The following RTF1 variants were observed in gnomAD, a reference collection of about 807,000 sequenced individuals.
RTF1 encodes the protein RNA polymerase-associated protein RTF1 homolog.
A neutral mutation model predicts 95.7 loss-of-function variants in RTF1; 10 were observed. That is an observed-to-expected ratio of 0.10 (90% CI 0.06 to 0.18). The LOEUF is 0.18. Among genes scored for constraint, RTF1 ranks in the 10% least tolerant of loss-of-function variants. RTF1 has a pLI of 1.00. For synonymous variants in RTF1, 305 were observed against 311.8 expected, an observed-to-expected ratio of 0.98 and a Z score of 0.23; for missense variants, 458 against 875.6, an observed-to-expected ratio of 0.52 and a Z score of 6.02.
At chr15:41,465,865 G>T (rs557404425) in intron 5 of RTF1, among the ~76,000 whole-genome samples, 2 of 152,312 alleles carry the variant, frequency 1.3e-5, no homozygotes, top group African/African-American at 4.8e-5. Context: ...AGTGGCTTAT[G>T]CCTGTAATCC....
At position 41,430,833 on chromosome 15, in the gene RTF1, G is replaced by A. The variant is rs977294419; in HGVS notation, c.199-7488G>A. On this transcript the variant is annotated intron_variant, in intron 1 of 17. Coordinates refer to ENST00000389629, the MANE Select transcript of RTF1 (RefSeq NM_015138.5). ...ACTTCCTATACAATCCTCAAGTTGT[G>A]GGAAGTGCATCTTGTATCTTTCACA... is the stretch of plus-strand genomic sequence containing the variant. 1.1e-4 allele frequency among the ~76,000 whole-genome samples: 16 copies of A among 152,114 alleles called. 1 individual carries two copies. The highest frequency in any genetic ancestry group is 9.8e-4 in the Admixed American group (15 of 15,254).
intron 7 of RTF1, 138 bp from the exon 8 acceptor site, chr15:41,471,034 T>C: frequency 1.4e-6 from 1 of 731,668 alleles, no homozygotes; most frequent in Non-Finnish European, 2.2e-6. Context: ...TTACAAGTCT[T>C]TGCTGGTGCT....
chr15:41,417,429 C>A, intron 1 of RTF1, 116 bp downstream of exon 1: 2 of 862,914 alleles, frequency 2.3e-6, no homozygotes, highest in African/African-American at 1.7e-5. Flanking sequence ...TCGCCCCGTG[C>A]CCTGGGCACC....
intron 8 of RTF1, among the ~76,000 whole-genome samples, chr15:41,473,630 A>G (rs1474749300): frequency 6.6e-6 from 1 of 152,084 alleles, no homozygotes; most frequent in Non-Finnish European, 1.5e-5. Context: ...CGGTGTGATC[A>G]GAGCTCATTG....
intron 4 of RTF1, among the ~76,000 whole-genome samples, chr15:41,460,186 G>A (rs1420174854): frequency 6.7e-6 from 1 of 149,662 alleles, no homozygotes; most frequent in South Asian, 2.1e-4. Context: ...GCAATGGCAC[G>A]ATCTCGGCTC....
intron 1 of RTF1, among the ~76,000 whole-genome samples, chr15:41,420,714 T>C (rs2050596197): frequency 6.6e-6 from 1 of 152,106 alleles, no homozygotes; most frequent in South Asian, 2.1e-4. Flanking sequence ...AGGTGAGATA[T>C]ATGGGCCTTC....
chr15:41,480,991 A>G lies in RTF1; in HGVS notation c.*304A>G. On this transcript the variant is annotated 3_prime_UTR_variant, in exon 18 of 18. Coordinates refer to ENST00000389629, the MANE Select transcript of RTF1 (RefSeq NM_015138.5). ...TTTTTAACCGCGCAGTTCATTGGCC[A>G]CTCTGCACGCATTCAGTATTACCAT... The G allele has an allele frequency of 3.1e-6, 1 of 318,864 alleles. No individual in the cohort carries two copies. The highest frequency in any genetic ancestry group is 3.8e-5 in the South Asian group (1 of 26,042). The allele number at this position is 318,864 out of a possible 1,614,324, so 19.8% of individuals were successfully genotyped here. A position where few individuals can be genotyped will look rare whatever the true frequency, so the allele number is the denominator to read the frequency against.
At chr15:41,477,554 T>C in intron 14 of RTF1, 39 bp downstream of exon 14, 1 of 1,561,182 alleles carries the variant, frequency 6.4e-7, no homozygotes. Flanking sequence ...ACAAAGTTAA[T>C]TAATAAACCA....
chr15:41,453,128 A>AGG lies in RTF1; in HGVS notation c.457+85_457+86dup, dbSNP rs146922868. 881 of 1,252,110 alleles carry AGG rather than the reference A, an allele frequency of 7.0e-4. 5 individuals carry two copies. The African/African-American group carries it at 0.011, about 15-fold the overall frequency. 77.6% of individuals were successfully genotyped at this position (1,252,110 alleles called of 1,614,324 possible). A position where few individuals can be genotyped will look rare whatever the true frequency, so the allele number is the denominator to read the frequency against. Reference sequence around the variant, plus strand: ...GGTGCAAAGGCAGAAGTGGGGAGGAAGGGGGGTACTTGCATTCAGCATGAC... The same window carrying AGG: ...GGTGCAAAGGCAGAAGTGGGGAGGAAGGGGGGGGTACTTGCATTCAGCATGAC... On this transcript the variant is annotated intron_variant, in intron 3 of 17. Coordinates refer to ENST00000389629, the MANE Select transcript of RTF1 (RefSeq NM_015138.5).
intron 1 of RTF1, among the ~76,000 whole-genome samples, chr15:41,421,606 A>G (rs1220118441): frequency 1.3e-5 from 2 of 150,938 alleles, no homozygotes; most frequent in Non-Finnish European, 3.0e-5. Flanking sequence ...TCTTCAGCCC[A>G]GGTAACAGAG....
intron 2 of RTF1, among the ~76,000 whole-genome samples, chr15:41,444,075 AACAAAG>A (rs2050748767): frequency 6.6e-6 from 1 of 150,820 alleles, no homozygotes; most frequent in African/African-American, 2.4e-5. Context: ...CTCAAAAAAA[AACAAAG>A]AAAAAGAAAA....
At chr15:41,446,381 C>G (rs2050762725) in intron 2 of RTF1, among the ~76,000 whole-genome samples, 1 of 151,778 alleles carries the variant, frequency 6.6e-6, no homozygotes, top group Admixed American at 6.6e-5. Context: ...CCATCCTAAC[C>G]CAGTGAAACC....
chr15:41,428,067 A>G (rs1267305721), intron 1 of RTF1, among the ~76,000 whole-genome samples: 3 of 150,004 alleles, frequency 2.0e-5, no homozygotes, highest in African/African-American at 7.3e-5. Flanking sequence ...GATTACAGGC[A>G]TGAGCCACCA....
At chr15:41,418,784 CAA>C (rs753790136) in intron 1 of RTF1, among the ~76,000 whole-genome samples, 7 of 52,834 alleles carry the variant, frequency 1.3e-4, no homozygotes, top group Non-Finnish European at 1.7e-4. Flanking sequence ...AACTCCATCA[CAA>C]AAAAAAAAAA....
chr15:41,459,179 A>G (rs2140961492), intron 4 of RTF1, among the ~76,000 whole-genome samples: 1 of 152,298 alleles, frequency 6.6e-6, no homozygotes, highest in East Asian at 1.9e-4. Flanking sequence ...CCAGGAATTC[A>G]AGACCAGTCA....
At chr15:41,477,815 A>C (rs1323817288) in intron 14 of RTF1, among the ~76,000 whole-genome samples, 1 of 152,200 alleles carries the variant, frequency 6.6e-6, no homozygotes, top group Non-Finnish European at 1.5e-5. Context: ...TGAAGGGAAA[A>C]GGATAATATG....
chr15:41,475,828 A>G lies in RTF1; in HGVS notation c.1482+9A>G, dbSNP rs1362481308. On this transcript the variant is annotated intron_variant, in intron 11 of 17. Coordinates refer to ENST00000389629, the MANE Select transcript of RTF1 (RefSeq NM_015138.5). ...ATCAGGACATTGAAGAGGTAAGAAAACTGGTGCCCCAGAACCCGGAGGTTC... is the reference window on the plus strand; with the variant it reads ...ATCAGGACATTGAAGAGGTAAGAAAGCTGGTGCCCCAGAACCCGGAGGTTC... 2 of 1,435,538 alleles carry G rather than the reference A, an allele frequency of 1.4e-6. No homozygotes were observed. The highest frequency in any genetic ancestry group is 4.5e-5 in the East Asian group (2 of 44,012). 88.9% of individuals were successfully genotyped at this position (1,435,538 alleles called of 1,614,324 possible).
intron 1 of RTF1, among the ~76,000 whole-genome samples, chr15:41,424,747 A>T (rs925834140): frequency 6.6e-6 from 1 of 152,206 alleles, no homozygotes; most frequent in African/African-American, 2.4e-5. Context: ...GCAGTGGCTC[A>T]CGCCTTTAAT....
intron 2 of RTF1, among the ~76,000 whole-genome samples, chr15:41,442,220 T>C (rs919095799): frequency 6.6e-6 from 1 of 150,514 alleles, no homozygotes; most frequent in Admixed American, 6.7e-5. Flanking sequence ...CAGGCTGGAG[T>C]GCAGTGGCGT....
Sources: gnomAD v4.1 joint callset for allele counts (sites outside exome capture counted in the v4.1 genomes callset) on GRCh38, gnomAD v4.1.1 for gene constraint, MANE v1.5 for transcripts, NCBI Gene and HGNC (gene_info 2026-07-23, HGNC 2026-07-21) for gene names.